Variants in MED13 observed in about 807,000 individuals in gnomAD.
MED13 encodes the protein mediator of RNA polymerase II transcription subunit 13.
MED13 carries 23 observed loss-of-function variants against 225.2 expected under a neutral mutation model. The observed-to-expected ratio is 0.10, with a 90% confidence interval of 0.07 to 0.14. The LOEUF (loss-of-function observed/expected upper bound fraction) is 0.14. MED13 is among the 10% of genes least tolerant of loss of function. The probability of loss-of-function intolerance (pLI) is 1.00; values close to 1 mark genes in which losing one functional copy is unlikely to be tolerated. For synonymous variants in MED13, 942 were observed against 889.2 expected, an observed-to-expected ratio of 1.06 and a Z score of -1.06; for missense variants, 2,197 against 2,594.5, an observed-to-expected ratio of 0.85 and a Z score of 3.33.
At chr17:62,053,209 A>G (rs1472398910) in intron 2 of MED13, among the ~76,000 whole-genome samples, 1 of 152,220 alleles carries the variant, frequency 6.6e-6, no homozygotes, top group African/African-American at 2.4e-5. Context: ...ATGAATAAAA[A>G]GGAAGCTGTT....
chr17:62,063,241 T>C lies in MED13; in HGVS notation c.127A>G (p.Ile43Val), dbSNP rs753884067. The change falls in exon 2 of 30, where the codon ATT becomes GTT. Residue 43 changes from isoleucine (I) to valine (V), a missense_variant. Ile to Val is a conservative substitution (Grantham distance 29). This residue lies in a region of MED13 where 884 missense variants were observed against 918.5 expected (regional missense o/e 0.96). Transcript: ENST00000397786. ...YVWQGPTSAPILFPVTEEDPI... is the reference protein window; with the variant it reads ...YVWQGPTSAPVLFPVTEEDPI... Reference sequence around the variant, plus strand: ...TCTTCTTCTGTCACAGGAAACAGAATAGGGGCAGAAGTTGGGCCTTGCCAT... The same window carrying C: ...TCTTCTTCTGTCACAGGAAACAGAACAGGGGCAGAAGTTGGGCCTTGCCAT... 7 of 1,614,152 alleles carry C rather than the reference T, an allele frequency of 4.3e-6. No individual in the cohort carries two copies. Among genetic ancestry groups the C allele is most frequent in the South Asian group, 1.1e-5 (1 of 91,090 alleles).
chr17:62,027,683 A>G (rs542263476), intron 8 of MED13, among the ~76,000 whole-genome samples: 3 of 152,186 alleles, frequency 2.0e-5, no homozygotes, highest in Non-Finnish European at 2.9e-5. Context: ...AACTATGCTG[A>G]CAAATGTCTA....
chr17:61,957,231 G>C (rs1368575344), intron 23 of MED13, among the ~76,000 whole-genome samples: 1 of 152,018 alleles, frequency 6.6e-6, no homozygotes, highest in Non-Finnish European at 1.5e-5. Flanking sequence ...ATTTTTAGCA[G>C]AGAGGGGGTT....
At chr17:62,014,551 A>C (rs1275645861) in intron 8 of MED13, among the ~76,000 whole-genome samples, 1 of 151,994 alleles carries the variant, frequency 6.6e-6, no homozygotes, top group Non-Finnish European at 1.5e-5. Context: ...TCTTGACCTC[A>C]AAAGATCTAC....
chr17:61,986,479 C>T (rs1227752859), intron 12 of MED13, among the ~76,000 whole-genome samples: 1 of 152,132 alleles, frequency 6.6e-6, no homozygotes, highest in Non-Finnish European at 1.5e-5. Flanking sequence ...TTTATCTTCA[C>T]CTTTCTCTGC....
chr17:61,992,923 C>T (rs1204563093), intron 10 of MED13, among the ~76,000 whole-genome samples: 4 of 152,264 alleles, frequency 2.6e-5, no homozygotes, highest in East Asian at 1.9e-4. Context: ...CATGCCACCA[C>T]GCCCAGCTAA....
At chr17:62,064,880 T>A (rs540884829) in intron 1 of MED13, among the ~76,000 whole-genome samples, 2 of 152,136 alleles carry the variant, frequency 1.3e-5, no homozygotes, top group Non-Finnish European at 2.9e-5. Flanking sequence ...GGAGCTCAAG[T>A]TGAGGACGAG....
intron 19 of MED13, 78 bp downstream of exon 19, chr17:61,966,384 T>C: frequency 8.5e-7 from 1 of 1,175,630 alleles, no homozygotes; most frequent in Non-Finnish European, 1.2e-6. Flanking sequence ...CCAATAAAAT[T>C]TTATCTACAA....
In MED13 at chr17:62,063,159, C is replaced by T. The variant is rs1305895746; in HGVS notation, c.209G>A (p.Arg70Gln). 1 of 1,614,098 alleles carries T rather than the reference C, an allele frequency of 6.2e-7. No homozygotes were observed. The highest frequency in any genetic ancestry group is 8.5e-7 in the Non-Finnish European group (1 of 1,180,000). ...TCTTCTTCCAGGTCTTTGATCTCGC[C>T]GCCAAACACCAAGTACATCTGCCTT... The part of the protein sequence containing the change: ...CLKADVLGVW[R>Q]RDQRPGRREL... The change falls in exon 2 of 30, where the codon CGG becomes CAG. Residue 70 changes from arginine to glutamine, a missense_variant. Coordinates refer to ENST00000397786, the MANE Select transcript of MED13 (RefSeq NM_005121.3).
intron 8 of MED13, among the ~76,000 whole-genome samples, chr17:62,018,271 A>G (rs2080602096): frequency 6.6e-6 from 1 of 152,244 alleles, no homozygotes; most frequent in Non-Finnish European, 1.5e-5. Flanking sequence ...TCAACCAACC[A>G]GAGATGAAAA....
chr17:62,020,296 C>A (rs28654524), intron 8 of MED13, among the ~76,000 whole-genome samples: 24,355 of 151,894 alleles, frequency 0.16, 2,396 homozygotes, highest in East Asian at 0.5. Flanking sequence ...AAATAGTGCA[C>A]ATTTAAGTGT....
intron 28 of MED13, among the ~76,000 whole-genome samples, chr17:61,950,617 G>A (rs2079888655): frequency 6.6e-6 from 1 of 152,134 alleles, no homozygotes; most frequent in Admixed American, 6.6e-5. Context: ...CTCCTGACCT[G>A]AGGTAATCTG....
chr17:61,985,053 T>C lies in MED13; in HGVS notation c.2423A>G (p.Lys808Arg). 1 of 1,613,966 alleles carries C rather than the reference T, an allele frequency of 6.2e-7. No homozygotes were observed. Among genetic ancestry groups the C allele is most frequent in the Non-Finnish European group, 8.5e-7 (1 of 1,179,964 alleles). The change falls in exon 13 of 30, where the codon AAA becomes AGA. Residue 808 changes from lysine (K) to arginine (R), a missense_variant. Lys to Arg is a conservative substitution (Grantham distance 26). Coordinates refer to ENST00000397786, the MANE Select transcript of MED13 (RefSeq NM_005121.3). ...TGTCTTTGATTCCTTGCAGCTGGCTTTATCATCTGATCCATTTGCTGATTT... is the reference window on the plus strand; with the variant it reads ...TGTCTTTGATTCCTTGCAGCTGGCTCTATCATCTGATCCATTTGCTGATTT... Reference protein sequence around the residue: ...SKKSANGSDDKASCKESKTGN... With the variant: ...SKKSANGSDDRASCKESKTGN...
rs2080234290 is a variant in MED13 at position 61,984,858 on chromosome 17, T to C, written c.2484A>G (p.Ala828=). 6.2e-7 allele frequency: 1 copy of C among 1,609,636 alleles called. No homozygotes were observed. The stretch of plus-strand genomic sequence containing the variant: ...GTGTAGGATACATTTTATGAAGATC[T>C]GCAGTGCCTATATTTAATAAAAACA... The part of the protein sequence containing the change: ...NLDPLSCIST[A]DLHKMYPTPP... Residue 828 remains alanine, a synonymous_variant, in exon 14 of 30, where the codon GCA becomes GCG. Coordinates refer to ENST00000397786, the MANE Select transcript of MED13 (RefSeq NM_005121.3).
intron 3 of MED13, among the ~76,000 whole-genome samples, chr17:62,037,782 C>G (rs572075832): frequency 1.3e-3 from 199 of 151,470 alleles, no homozygotes; most frequent in African/African-American, 4.7e-3. Context: ...AGGTGAAATT[C>G]TGTTTCTACT....
rs769011770 is a variant in MED13 at position 61,961,750 on chromosome 17, A to G, written c.5094T>C (p.Pro1698=). ...AGATTTCTCTATCTTCATGCTTCAC[A>G]GGTTGCAACAGGTACTGACAAGGAA... ...QIIPCQYLLQ[P]VKHEDREIYP... Residue 1698 remains proline (P), a synonymous_variant, in exon 22 of 30, where the codon CCT becomes CCC. Transcript: ENST00000397786. 1 of 1,613,996 alleles carries G rather than the reference A, an allele frequency of 6.2e-7. No homozygotes were observed. Among genetic ancestry groups the G allele is most frequent in the Admixed American group, 1.7e-5 (1 of 59,996 alleles).
intron 2 of MED13, among the ~76,000 whole-genome samples, chr17:62,053,248 T>G (rs1289881164): frequency 6.6e-6 from 1 of 152,192 alleles, no homozygotes; most frequent in Non-Finnish European, 1.5e-5. Context: ...CGGTGCACTA[T>G]CAGCCACCTT....
At chr17:62,053,001 C>A (rs1212555330) in intron 2 of MED13, among the ~76,000 whole-genome samples, 4 of 152,172 alleles carry the variant, frequency 2.6e-5, no homozygotes, top group Non-Finnish European at 5.9e-5. Flanking sequence ...ATGAAAAGGA[C>A]ACTTGTTTGT....
At chr17:61,986,145 A>G (rs1362798839) in intron 12 of MED13, among the ~76,000 whole-genome samples, 2 of 152,216 alleles carry the variant, frequency 1.3e-5, no homozygotes, top group African/African-American at 4.8e-5. Context: ...TGAATGTGCC[A>G]AAGCATTCAA....
Sources: allele counts gnomAD v4.1 joint callset (sites outside exome capture counted in the v4.1 genomes callset), GRCh38; gene constraint gnomAD v4.1.1; regional missense constraint gnomAD v4.1.1; transcripts MANE v1.5; gene names NCBI Gene and HGNC (gene_info 2026-07-23, HGNC 2026-07-21).